A2ML1: variants seen among roughly 807,000 people sequenced by gnomAD.
A2ML1 encodes alpha-2-macroglobulin like 1.
A neutral mutation model predicts 181.9 loss-of-function variants in A2ML1; 161 were observed. The observed-to-expected ratio is 0.89, with a 90% CI of 0.78 to 1.01. A2ML1 has a LOEUF of 1.01. A2ML1 is among the 50% of genes least tolerant of loss of function. The pLI, the probability that A2ML1 is intolerant of heterozygous loss-of-function variation, is 0.00. For synonymous variants in A2ML1, 663 were observed against 666.8 expected, an observed-to-expected ratio of 0.99 and a Z score of 0.09; for missense variants, 1,670 against 1,768.1, an observed-to-expected ratio of 0.94 and a Z score of 1.00.
downstream of A2ML1, chr12:8,880,640 G>A (rs1396756137): frequency 6.6e-6 from 1 of 152,170 alleles, no homozygotes; most frequent in Non-Finnish European, 1.5e-5. Flanking sequence ...AACGGGGAGT[G>A]GGAGGGGGAG....
At chr12:8,879,531 T>TGAAAGCC (rs1944849763), downstream of A2ML1, among the ~76,000 whole-genome samples, 3 of 151,970 alleles carry the variant, frequency 2.0e-5, no homozygotes, top group Admixed American at 2.0e-4. Flanking sequence ...GAAAGCCCCT[T>TGAAAGCC]CCACTCACTA....
chr12:8,877,535 C>A (rs143388139), downstream of A2ML1, among the ~76,000 whole-genome samples: 6 of 152,254 alleles, frequency 3.9e-5, no homozygotes, highest in Non-Finnish European at 8.8e-5. Flanking sequence ...GGGGCATGAG[C>A]AGACACTTCT....
chr12:8,867,970 C>A lies in A2ML1; in HGVS notation c.3846C>A (p.Asn1282Lys). 2 of 1,614,226 alleles carry A rather than the reference C, an allele frequency of 1.2e-6. No homozygotes were observed. The highest frequency in any genetic ancestry group is 1.7e-6 in the Non-Finnish European group (2 of 1,180,048). ...GCACATTCAACATACAGTCAGTTAA[C>A]AGATTGGTATTTCAGCAGGATACCC... ...FQRTFNIQSV[N>K]RLVFQQDTLP... The change falls in exon 30 of 36, where the codon AAC becomes AAA. Residue 1282 changes from asparagine to lysine, a missense_variant. Transcript: ENST00000299698.
chr12:8,849,399 A>T (rs970873902), intron 16 of A2ML1, among the ~76,000 whole-genome samples: 1 of 152,196 alleles, frequency 6.6e-6, no homozygotes, highest in African/African-American at 2.4e-5. Context: ...TTTACAGCGT[A>T]AGTCAAATAG....
chr12:8,877,699 G>A (rs1465486554), downstream of A2ML1, among the ~76,000 whole-genome samples: 2 of 152,182 alleles, frequency 1.3e-5, no homozygotes, highest in African/African-American at 4.8e-5. Context: ...TGTTGGCGAG[G>A]TAGCAGAGAA....
chr12:8,842,539 C>T (rs1365803724), intron 11 of A2ML1, among the ~76,000 whole-genome samples: 1 of 152,016 alleles, frequency 6.6e-6, no homozygotes, highest in Admixed American at 6.6e-5. Context: ...ATGTTAACAC[C>T]CCTTTCCCAA....
In A2ML1 at chr12:8,834,686, A is replaced by G. The variant is rs751827485; in HGVS notation, c.483+4A>G. On this transcript the variant is annotated splice_donor_region_variant and intron_variant, in intron 5 of 35. Transcript: ENST00000299698. ...GTACTCCATGGTGGAACTACAGGTA[A>G]GCGGAAGTTTCTTTCTCTTCTCTGT... 3.1e-6 allele frequency: 5 copies of G among 1,614,196 alleles called. No individual in the cohort carries two copies. Among genetic ancestry groups the G allele is most frequent in the Non-Finnish European group, 4.2e-6 (5 of 1,180,030 alleles).
At position 8,874,983 on chromosome 12, in the gene A2ML1, C is replaced by A. The variant is rs1346585649; in HGVS notation, c.4337C>A (p.Thr1446Lys). Residue 1446 changes from threonine to lysine, a missense_variant, in exon 35 of 36, where the codon ACA (threonine) becomes AAA (lysine). Thr to Lys is a moderately conservative substitution (Grantham distance 78). Transcript: ENST00000299698. ...YDYYLPDEQATIQYSDPCE is the reference protein window; with the variant it reads ...YDYYLPDEQAKIQYSDPCE ...TTTCATTTCACAGATGAACAGGCAA[C>A]AATTCAGTATTCTGATCCCTGTGAA... is the stretch of plus-strand genomic sequence containing the variant. 5.0e-6 allele frequency: 8 copies of A among 1,613,974 alleles called. No individual in the cohort carries two copies. Among genetic ancestry groups the A allele is most frequent in the Middle Eastern group, 1.6e-4 (1 of 6,084 alleles).
chr12:8,829,944 C>A, intron 4 of A2ML1, 165 bp downstream of exon 4: 1 of 748,678 alleles, frequency 1.3e-6, no homozygotes, highest in Non-Finnish European at 2.2e-6. Context: ...CTTCAGGGAG[C>A]TAGCCTAAAT....
At chr12:8,824,034 A>C (rs115041217) in intron 3 of A2ML1, 152 bp downstream of exon 3, 1 of 839,770 alleles carries the variant, frequency 1.2e-6, no homozygotes, top group African/African-American at 1.7e-5. Context: ...GCAAGTGTTG[A>C]ATACATGCTG....
At chr12:8,878,384 GAATT>G (rs1485689887), downstream of A2ML1, among the ~76,000 whole-genome samples, 1 of 152,194 alleles carries the variant, frequency 6.6e-6, no homozygotes, top group Non-Finnish European at 1.5e-5. This position sits in a 1 kb window ranked among gnomAD's most constrained non-coding sequence, Gnocchi z 4.4. Context: ...TATCCTAAGT[GAATT>G]AATGCAGAAA....
At chr12:8,857,437 T>C in intron 24 of A2ML1, 70 bp from the exon 25 acceptor site, 2 of 1,607,526 alleles carry the variant, frequency 1.2e-6, no homozygotes, top group East Asian at 2.2e-5. Context: ...AAGTGTCCCA[T>C]ATCCTTGAAC....
At chr12:8,839,926 T>G (rs765641244) in intron 10 of A2ML1, among the ~76,000 whole-genome samples, 9 of 152,148 alleles carry the variant, frequency 5.9e-5, no homozygotes, top group Non-Finnish European at 1.0e-4. Context: ...TTTGTATTTT[T>G]AGTAGAGATG....
At chr12:8,885,007 A>AT (rs1307672737) in intron 7 of A2ML1, among the ~76,000 whole-genome samples, 3 of 152,238 alleles carry the variant, frequency 2.0e-5, no homozygotes, top group Admixed American at 6.5e-5. Flanking sequence ...TCTTTATGGT[A>AT]GAATGATTTA....
At chr12:8,874,191 T>C (rs1434653504) in intron 33 of A2ML1, among the ~76,000 whole-genome samples, 1 of 151,882 alleles carries the variant, frequency 6.6e-6, no homozygotes, top group Non-Finnish European at 1.5e-5. Flanking sequence ...AATTTTTGTA[T>C]TTTTAGTAGA....
intron 21 of A2ML1, 147 bp downstream of exon 21, chr12:8,854,396 C>T (rs1035371195): frequency 1.6e-6 from 2 of 1,288,238 alleles, no homozygotes; most frequent in Non-Finnish European, 2.1e-6. Flanking sequence ...TGAACATTTG[C>T]CTAATCCACA....
chr12:8,864,147 T>G, intron 29 of A2ML1, 139 bp downstream of exon 29: 1 of 720,902 alleles, frequency 1.4e-6, no homozygotes. Flanking sequence ...TATGGAAGTA[T>G]TCATAAAATG....
chr12:8,872,732 C>A (rs756674088), intron 33 of A2ML1, among the ~76,000 whole-genome samples: 1 of 147,034 alleles, frequency 6.8e-6, no homozygotes, highest in Non-Finnish European at 1.5e-5. Context: ...TGCGGTGAGC[C>A]GAGATCATGC....
intron 26 of A2ML1, among the ~76,000 whole-genome samples, chr12:8,860,548 C>A (rs1268958789): frequency 6.6e-6 from 1 of 152,044 alleles, no homozygotes; most frequent in South Asian, 2.1e-4. Flanking sequence ...TGCGGTGATG[C>A]GGCAGATTCT....
Sources: gnomAD v4.1 joint callset for allele counts (sites outside exome capture counted in the v4.1 genomes callset) on GRCh38, gnomAD v4.1.1 for gene constraint, Gnocchi (gnomAD v3.1) non-coding constraint, MANE v1.5 for transcripts, NCBI Gene and HGNC (gene_info 2026-07-23, HGNC 2026-07-21) for gene names.